The following HEATR6 variants were observed in gnomAD, a reference collection of about 807,000 sequenced individuals.
The protein encoded by HEATR6 is HEAT repeat-containing protein 6.
HEATR6 carries 106 observed loss-of-function variants against 132.8 expected under a neutral mutation model. That is an observed-to-expected ratio of 0.80 (90% CI 0.68 to 0.94). The LOEUF is 0.94. HEATR6 is among the 40% of genes least tolerant of loss of function. The pLI, the probability that HEATR6 is intolerant of heterozygous loss-of-function variation, is 0.00. For synonymous variants in HEATR6, 529 were observed against 537.8 expected (o/e 0.98, Z 0.23); for missense variants, 1,339 against 1,425.1 (o/e 0.94, Z 0.97).
intron 15 of HEATR6, among the ~76,000 whole-genome samples, chr17:60,050,062 C>T (rs1342273293): frequency 2.0e-5 from 3 of 152,130 alleles, no homozygotes; most frequent in Admixed American, 6.5e-5. Flanking sequence ...TTATGCTCCC[C>T]CAAAATTCCT....
chr17:60,073,703 T>C (rs766739785), intron 3 of HEATR6, 43 bp downstream of exon 3: 9 of 1,592,534 alleles, frequency 5.7e-6, no homozygotes, highest in Middle Eastern at 1.7e-4. Flanking sequence ...CCAGAGTCTG[T>C]GCTCCTGGCC....
chr17:60,061,593 A>G (rs2083211342), intron 9 of HEATR6, among the ~76,000 whole-genome samples: 1 of 152,268 alleles, frequency 6.6e-6, no homozygotes, highest in Non-Finnish European at 1.5e-5. Flanking sequence ...TGATTGTAGC[A>G]TAGACATGTA....
intron 17 of HEATR6, among the ~76,000 whole-genome samples, chr17:60,047,613 A>G (rs1906413373): frequency 6.6e-6 from 1 of 152,190 alleles, no homozygotes; most frequent in South Asian, 2.1e-4. Context: ...AAAATCTCAA[A>G]ATGCAGATTT....
At chr17:60,062,212 A>G (rs1193805255) in intron 9 of HEATR6, among the ~76,000 whole-genome samples, 1 of 152,210 alleles carries the variant, frequency 6.6e-6, no homozygotes, top group Non-Finnish European at 1.5e-5. Flanking sequence ...TCTTATATCA[A>G]TATTTAATAT....
chr17:60,075,462 A>C (rs930603454), intron 2 of HEATR6, among the ~76,000 whole-genome samples: 1 of 152,170 alleles, frequency 6.6e-6, no homozygotes, highest in African/African-American at 2.4e-5. Flanking sequence ...GTGCTCTTAA[A>C]TATATTCACA....
In HEATR6 at chr17:60,070,783, T is replaced by C; in HGVS notation, c.724A>G (p.Ile242Val). ...CTCCCACCATTTAGAAGTGACTGTA[T>C]ACCTTTTAATGCATTTTGCAATAAC... Reference protein sequence around the residue: ...CMLLQNALKGIQSLLNGGRMK... With the variant: ...CMLLQNALKGVQSLLNGGRMK... Residue 242 changes from isoleucine to valine, a missense_variant, in exon 6 of 20, where the codon ATA becomes GTA. Coordinates refer to ENST00000184956, the MANE Select transcript of HEATR6 (RefSeq NM_022070.5). 1 of 1,600,292 alleles carries C rather than the reference T, an allele frequency of 6.2e-7. No homozygotes were observed. Among genetic ancestry groups the C allele is most frequent in the Non-Finnish European group, 8.6e-7 (1 of 1,167,516 alleles).
At position 60,078,848 on chromosome 17, in the gene HEATR6, T is replaced by C. The variant is rs773347910; in HGVS notation, c.67A>G (p.Ile23Val). ...CGAAACCCATTGCCTCGCTCAGGGA[T>C]TGCTTCCCGCGGTGCCTCCCGCGGC... is the stretch of plus-strand genomic sequence containing the variant. ...VQPREAPREA[I>V]PERGNGFRLL... Residue 23 changes from isoleucine to valine, a missense_variant, in exon 1 of 20, where the codon ATC becomes GTC. Coordinates refer to ENST00000184956, the MANE Select transcript of HEATR6 (RefSeq NM_022070.5). 9 of 1,485,308 alleles carry C rather than the reference T, an allele frequency of 6.1e-6. No homozygotes were observed. Among genetic ancestry groups the C allele is most frequent in the South Asian group, 1.1e-5 (1 of 88,762 alleles). The allele number at this position is 1,485,308 out of a possible 1,614,324, so 92.0% of individuals were successfully genotyped here. A position where few individuals can be genotyped will look rare whatever the true frequency, so the allele number is the denominator to read the frequency against.
intron 1 of HEATR6, 91 bp downstream of exon 1, chr17:60,078,605 T>G: frequency 1.0e-6 from 1 of 965,972 alleles, no homozygotes; most frequent in Non-Finnish European, 1.5e-6. Context: ...GGCGCGAGAG[T>G]GGGAAGATCA....
chr17:60,043,758 A>G lies in HEATR6; in HGVS notation c.3351T>C (p.Asp1117=), dbSNP rs1018470316. ...LQFLKSGAEG[D]DTGAPHSPQE... Reference sequence around the variant, plus strand: ...GTGGGCTGTGGGGTGCTCCAGTGTCATCTCCCTCTGCTCCTGATTTTAAAA... The same window carrying G: ...GTGGGCTGTGGGGTGCTCCAGTGTCGTCTCCCTCTGCTCCTGATTTTAAAA... The change falls in exon 20 of 20, where the codon GAT becomes GAC. Residue 1117 remains aspartate (D), a synonymous_variant. Transcript: ENST00000184956. The G allele has an allele frequency of 5.0e-6, 8 of 1,614,140 alleles. No homozygotes were observed. The highest frequency in any genetic ancestry group is 6.8e-6 in the Non-Finnish European group (8 of 1,180,018).
intron 5 of HEATR6, among the ~76,000 whole-genome samples, chr17:60,071,301 T>C (rs2083268927): frequency 1.3e-5 from 2 of 152,164 alleles, no homozygotes; most frequent in African/African-American, 4.8e-5. Context: ...ACTCTCTCCT[T>C]AAGAAACACT....
In HEATR6 at chr17:60,074,350, T is replaced by C. The variant is rs2083286734; in HGVS notation, c.328-464A>G. Among the ~76,000 whole-genome samples the C allele has an allele frequency of 2.0e-5, 3 of 152,158 alleles. No individual in the cohort carries two copies. The South Asian group carries it at 6.2e-4, about 32-fold the overall frequency. On this transcript the variant is annotated intron_variant, in intron 2 of 19. Coordinates refer to ENST00000184956, the MANE Select transcript of HEATR6 (RefSeq NM_022070.5). ...TGCTGTCAAGGAGCTGATAATCTTG[T>C]TGGGACAGACCAGGCTAATCCAAGT...
intron 9 of HEATR6, among the ~76,000 whole-genome samples, chr17:60,065,533 G>A (rs2083235902): frequency 6.6e-6 from 1 of 152,154 alleles, no homozygotes. Context: ...TCCTTACTTG[G>A]TTAAGTGGCT....
chr17:60,063,736 A>C (rs940966205), intron 9 of HEATR6: 2 of 152,642 alleles, frequency 1.3e-5, no homozygotes, highest in Non-Finnish European at 2.9e-5. Context: ...CTTCCAGCTG[A>C]GTATGCCATG....
intron 15 of HEATR6, 33 bp downstream of exon 15, chr17:60,050,810 T>C: frequency 1.9e-6 from 3 of 1,611,576 alleles, no homozygotes; most frequent in South Asian, 1.1e-5. Flanking sequence ...GCTCCAGCCA[T>C]GATTTAAGGG....
intron 7 of HEATR6, 26 bp from the exon 8 acceptor site, chr17:60,067,758 T>C (rs750900901): frequency 6.4e-7 from 1 of 1,574,596 alleles, no homozygotes; most frequent in Non-Finnish European, 8.6e-7. Context: ...AATGAAGACA[T>C]ATATAATAAC....
chr17:60,056,689 C>G (rs997193830), intron 12 of HEATR6, among the ~76,000 whole-genome samples: 1 of 151,962 alleles, frequency 6.6e-6, no homozygotes, highest in Non-Finnish European at 1.5e-5. Context: ...TAAGCAGGTA[C>G]AAGACCAAGG....
intron 5 of HEATR6, among the ~76,000 whole-genome samples, chr17:60,071,352 T>C (rs1462109952): frequency 6.6e-6 from 1 of 152,202 alleles, no homozygotes; most frequent in Non-Finnish European, 1.5e-5. Context: ...TTGTTTGAAA[T>C]AGTGGGAAAA....
Position 60,046,218 on chromosome 17 carries a change from A to C in HEATR6, c.2781T>G (p.Asn927Lys), listed in dbSNP as rs1190967886. 6.2e-7 allele frequency: 1 copy of C among 1,604,474 alleles called. No individual in the cohort carries two copies. Among genetic ancestry groups the C allele is most frequent in the East Asian group, 2.2e-5 (1 of 44,794 alleles). The change falls in exon 19 of 20, where the codon AAT becomes AAG. Residue 927 changes from asparagine to lysine, a missense_variant. By Grantham distance (94) the Asn-to-Lys change is moderately conservative (BLOSUM62 0). Transcript: ENST00000184956. ...ASKDKDKVKSNAVRALGNLLH... is the reference protein window; with the variant it reads ...ASKDKDKVKSKAVRALGNLLH... ...GCAAATTTCCAAGGGCCCGGACTGC[A>C]TTGCTTTTTACCTAGAAAAAATGTA...
chr17:60,044,136 T>C lies in HEATR6; in HGVS notation c.2975-2A>G. ...CCTGGGAGGTCCATGGGGCTGTCCCTAGAAAGAATCCACAGTCACTAAAAC... is the reference window on the plus strand; with the variant it reads ...CCTGGGAGGTCCATGGGGCTGTCCCCAGAAAGAATCCACAGTCACTAAAAC... On this transcript the variant is annotated splice_acceptor_variant, in intron 19 of 19. Coordinates refer to ENST00000184956, the MANE Select transcript of HEATR6 (RefSeq NM_022070.5). LOFTEE classifies it high-confidence loss of function. The C allele has an allele frequency of 6.3e-7, 1 of 1,598,228 alleles. No homozygotes were observed. Among genetic ancestry groups the C allele is most frequent in the Non-Finnish European group, 8.5e-7 (1 of 1,172,414 alleles).
Sources: allele counts gnomAD v4.1 joint callset (sites outside exome capture counted in the v4.1 genomes callset), GRCh38; gene constraint gnomAD v4.1.1; transcripts MANE v1.5; gene names NCBI Gene and HGNC (gene_info 2026-07-23, HGNC 2026-07-21).